Variants in DLG2 observed in about 807,000 individuals in gnomAD.
The protein encoded by DLG2 is discs large MAGUK scaffold protein 2, also known as disks large homolog 2.
DLG2 carries 45 observed loss-of-function variants against 132.5 expected under a neutral mutation model. The observed-to-expected ratio is 0.34, with a 90% CI of 0.27 to 0.44. The LOEUF (loss-of-function observed/expected upper bound fraction) is 0.44. Ranked by LOEUF, DLG2 falls within the 20% of genes least tolerant of loss-of-function variation. DLG2 has a pLI of 1.00. For synonymous variants in DLG2, 424 were observed against 419.6 expected (o/e 1.01, Z -0.13); for missense variants, 1,045 against 1,196.9 (o/e 0.87, Z 1.87).
At chr11:84,236,602 T>G (rs2097161372) in intron 8 of DLG2, among the ~76,000 whole-genome samples, 1 of 152,246 alleles carries the variant, frequency 6.6e-6, no homozygotes, top group Non-Finnish European at 1.5e-5. Context: ...GGTGTTTCAT[T>G]AACTTGATCA....
chr11:83,799,064 C>T (rs1027267809), intron 17 of DLG2, among the ~76,000 whole-genome samples: 2 of 152,218 alleles, frequency 1.3e-5, no homozygotes, highest in African/African-American at 4.8e-5. Flanking sequence ...CCCCACCTCA[C>T]ATTTGTTACT....
chr11:83,895,903 G>A (rs1378177308), intron 15 of DLG2, among the ~76,000 whole-genome samples: 1 of 152,146 alleles, frequency 6.6e-6, no homozygotes, highest in Non-Finnish European at 1.5e-5. Flanking sequence ...CCAACCCCAT[G>A]TCTAGCACAG....
At chr11:84,546,790 C>A in intron 6 of DLG2, 1 of 240,514 alleles carries the variant, frequency 4.2e-6, no homozygotes, top group Non-Finnish European at 8.5e-6. Flanking sequence ...CTCAACCCTC[C>A]AATGAAGACC....
At chr11:83,896,274 T>A (rs780039958) in intron 15 of DLG2, among the ~76,000 whole-genome samples, 34 of 152,188 alleles carry the variant, frequency 2.2e-4, no homozygotes, top group Non-Finnish European at 4.6e-4. Flanking sequence ...GGTATCTAGT[T>A]GAAATAGCAG....
At chr11:84,655,729 T>C (rs2099687342) in intron 6 of DLG2, among the ~76,000 whole-genome samples, 1 of 146,064 alleles carries the variant, frequency 6.8e-6, no homozygotes, top group African/African-American at 2.5e-5. Context: ...ACTTTGTTTT[T>C]TTTTGTTTGT....
At chr11:84,403,412 GTTTAT>G (rs1367850592) in intron 7 of DLG2, among the ~76,000 whole-genome samples, 2 of 152,116 alleles carry the variant, frequency 1.3e-5, no homozygotes, top group East Asian at 1.9e-4. Flanking sequence ...TGCCATTACT[GTTTAT>G]TTTATCTCCA....
At chr11:85,033,137 T>C (rs1264167358) in intron 6 of DLG2, among the ~76,000 whole-genome samples, 1 of 152,290 alleles carries the variant, frequency 6.6e-6, no homozygotes, top group African/African-American at 2.4e-5. Context: ...TGTCTGTGGT[T>C]CTGAACTGTG....
In DLG2 at chr11:83,792,738, G is replaced by A. The variant is rs113603701; in HGVS notation, c.1723-5946C>T. 9.2e-3 allele frequency among the ~76,000 whole-genome samples: 1,404 copies of A among 152,084 alleles called. 21 individuals are homozygous for A. The highest frequency in any genetic ancestry group is 0.033 in the African/African-American group (1,350 of 41,496). ...CAATGAAAAACAATTTGTTTTACCA[G>A]TGCATGGCTGATAGACAGCTAGGTA... On this transcript the variant is annotated intron_variant, in intron 17 of 27. Transcript: ENST00000376104.
chr11:85,069,357 G>A (rs1197931818), intron 6 of DLG2, among the ~76,000 whole-genome samples: 3 of 152,104 alleles, frequency 2.0e-5, no homozygotes, highest in Non-Finnish European at 2.9e-5. Context: ...CCATCAGAGT[G>A]AACAGGCAAC....
chr11:85,195,684 C>T (rs1309371324), intron 4 of DLG2, among the ~76,000 whole-genome samples: 1 of 151,838 alleles, frequency 6.6e-6, no homozygotes, highest in Non-Finnish European at 1.5e-5. Flanking sequence ...CCATCACGCC[C>T]AGCTAATTTT....
intron 6 of DLG2, among the ~76,000 whole-genome samples, chr11:84,780,005 A>C (rs371229280): frequency 6.6e-5 from 10 of 152,206 alleles, no homozygotes; most frequent in African/African-American, 2.4e-4. Context: ...TTCAAATCAA[A>C]GAAGAGAAAA....
At chr11:84,507,842 AC>A (rs2099246011) in intron 7 of DLG2, among the ~76,000 whole-genome samples, 3 of 152,126 alleles carry the variant, frequency 2.0e-5, no homozygotes, top group Non-Finnish European at 4.4e-5. Context: ...CGGTGTATTA[AC>A]TTTTTGATGT....
At chr11:85,345,538 C>T (rs2082774698) in intron 3 of DLG2, among the ~76,000 whole-genome samples, 2 of 152,100 alleles carry the variant, frequency 1.3e-5, no homozygotes. Flanking sequence ...CATGATATCA[C>T]ACACCTGGCA....
intron 3 of DLG2, among the ~76,000 whole-genome samples, chr11:85,359,550 A>G (rs949076229): frequency 1.3e-5 from 2 of 152,222 alleles, no homozygotes; most frequent in South Asian, 4.1e-4. Flanking sequence ...TGTGGGAGAA[A>G]TAAAGATCAA....
At chr11:84,332,385 T>G (rs927515867) in intron 7 of DLG2, among the ~76,000 whole-genome samples, 6 of 151,978 alleles carry the variant, frequency 3.9e-5, no homozygotes, top group Non-Finnish European at 8.8e-5. Context: ...CTAATTTTTG[T>G]ACTTTTAGTA....
At chr11:84,944,448 A>G (rs1282884657) in intron 6 of DLG2, among the ~76,000 whole-genome samples, 1 of 151,798 alleles carries the variant, frequency 6.6e-6, no homozygotes, top group Non-Finnish European at 1.5e-5. Context: ...CTCTGGCCAT[A>G]TATTTTCAAA....
At chr11:83,861,845 T>C (rs1186259825) in intron 16 of DLG2, among the ~76,000 whole-genome samples, 1 of 152,140 alleles carries the variant, frequency 6.6e-6, no homozygotes, top group Non-Finnish European at 1.5e-5. Context: ...TCAATAATAA[T>C]TGTACATTTT....
chr11:83,914,260 C>T (rs1414478339), intron 15 of DLG2, among the ~76,000 whole-genome samples: 1 of 152,096 alleles, frequency 6.6e-6, no homozygotes, highest in Non-Finnish European at 1.5e-5. Flanking sequence ...AACAATCTGG[C>T]ATCTCCCTTC....
At chr11:84,407,370 T>C (rs1311389755) in intron 7 of DLG2, among the ~76,000 whole-genome samples, 1 of 152,140 alleles carries the variant, frequency 6.6e-6, no homozygotes, top group Non-Finnish European at 1.5e-5. Flanking sequence ...TTTTGTTGCC[T>C]TTCACGGCCT....
Sources: gnomAD v4.1 joint callset for allele counts (sites outside exome capture counted in the v4.1 genomes callset) on GRCh38, gnomAD v4.1.1 for gene constraint, MANE v1.5 for transcripts, NCBI Gene and HGNC (gene_info 2026-07-23, HGNC 2026-07-21) for gene names.